PDE9A: variants seen among roughly 807,000 people sequenced by gnomAD.
PDE9A encodes phosphodiesterase 9A.
A neutral mutation model predicts 87.4 loss-of-function variants in PDE9A; 60 were observed. The ratio of observed to expected loss-of-function variants is 0.69; its 90% CI spans 0.56 to 0.85. PDE9A has a LOEUF of 0.85. Among genes scored for constraint, PDE9A ranks in the 40% least tolerant of loss-of-function variants. The pLI, the probability that PDE9A is intolerant of heterozygous loss-of-function variation, is 0.00. For synonymous variants in PDE9A, 272 were observed against 279.4 expected (o/e 0.97, Z 0.27); for missense variants, 665 against 779.0 (o/e 0.85, Z 1.74).
intron 7 of PDE9A, among the ~76,000 whole-genome samples, chr21:42,738,986 C>T (rs1040822837): frequency 3.3e-5 from 5 of 152,214 alleles, no homozygotes; most frequent in African/African-American, 1.2e-4. Context: ...CCACTGCGCC[C>T]GGCCTACAGT....
chr21:42,662,871 C>A (rs2057665427), intron 1 of PDE9A, among the ~76,000 whole-genome samples: 1 of 144,862 alleles, frequency 6.9e-6, no homozygotes, highest in Admixed American at 6.9e-5. Flanking sequence ...CACACGTACA[C>A]ACCACACACA....
At chr21:42,754,825 T>C (rs759548293) in intron 10 of PDE9A, among the ~76,000 whole-genome samples, 1 of 152,174 alleles carries the variant, frequency 6.6e-6, no homozygotes, top group South Asian at 2.1e-4. Context: ...CCATTCTCCA[T>C]GATTGTGAGG....
chr21:42,721,252 A>G (rs1384874113), intron 4 of PDE9A, among the ~76,000 whole-genome samples: 3 of 152,208 alleles, frequency 2.0e-5, no homozygotes, highest in African/African-American at 7.2e-5. Context: ...CAAAATGTGA[A>G]ATTCCCCTCT....
chr21:42,771,981 G>C (rs1052516768), intron 18 of PDE9A, among the ~76,000 whole-genome samples: 1 of 152,196 alleles, frequency 6.6e-6, no homozygotes, highest in South Asian at 2.1e-4. Context: ...AGCTGAAGGG[G>C]CTTCTGCCTC....
chr21:42,732,038 T>C (rs2051838863), intron 5 of PDE9A, 32 bp from the exon 6 acceptor site: 2 of 1,613,616 alleles, frequency 1.2e-6, no homozygotes, highest in African/African-American at 1.3e-5. Flanking sequence ...CTCTTGTCCG[T>C]GTTCCATCTG....
intron 4 of PDE9A, among the ~76,000 whole-genome samples, chr21:42,709,994 T>G (rs1410987054): frequency 4.6e-5 from 7 of 152,202 alleles, no homozygotes; most frequent in Non-Finnish European, 8.8e-5. Flanking sequence ...GCTACTAGAA[T>G]TATTGTACAA....
chr21:42,746,508 TC>T (rs2053864060), intron 8 of PDE9A, among the ~76,000 whole-genome samples: 1 of 151,918 alleles, frequency 6.6e-6, no homozygotes, highest in Non-Finnish European at 1.5e-5. Flanking sequence ...CTGTCCAAAT[TC>T]CCCCTTTTTG....
intron 9 of PDE9A, 129 bp from the exon 10 acceptor site, chr21:42,753,861 C>CA (rs57957426): frequency 0.036 from 15,542 of 429,498 alleles, 233 homozygotes; most frequent in African/African-American, 0.11. Context: ...GACTCTATCT[C>CA]AAAAAAAAAA....
chr21:42,759,184 C>T lies in PDE9A; in HGVS notation c.897+99C>T, dbSNP rs2055402347. The T allele has an allele frequency of 2.5e-6, 2 of 800,804 alleles. No homozygotes were observed. The highest frequency in any genetic ancestry group is 4.3e-6 in the Non-Finnish European group (2 of 466,712). 49.6% of individuals were successfully genotyped at this position (800,804 alleles called of 1,614,324 possible). A position where few individuals can be genotyped will look rare whatever the true frequency, so the allele number is the denominator to read the frequency against. ...GATCACCAGGGCACCTTCCGGATGGCACTGCGCTCCCTGTGAGCAGAGGTG... is the reference window on the plus strand; with the variant it reads ...GATCACCAGGGCACCTTCCGGATGGTACTGCGCTCCCTGTGAGCAGAGGTG... On this transcript the variant is annotated intron_variant, in intron 11 of 19. Coordinates refer to ENST00000291539, the MANE Select transcript of PDE9A (RefSeq NM_002606.3). This position sits in a 1 kb window ranked among gnomAD's most constrained non-coding sequence, Gnocchi z 7.2.
intron 18 of PDE9A, among the ~76,000 whole-genome samples, chr21:42,771,095 T>C (rs2056987371): frequency 6.6e-6 from 1 of 152,142 alleles, no homozygotes; most frequent in South Asian, 2.1e-4. Flanking sequence ...CACCCAGGTG[T>C]CTTTGGGTGT....
chr21:42,768,020 C>A (rs576299974), intron 15 of PDE9A, among the ~76,000 whole-genome samples, 168 bp from the exon 16 acceptor site: 1 of 152,334 alleles, frequency 6.6e-6, no homozygotes, highest in African/African-American at 2.4e-5. Flanking sequence ...AAGGTTCATT[C>A]TCCATTGAGA....
intron 1 of PDE9A, among the ~76,000 whole-genome samples, chr21:42,671,660 G>C (rs1336148637): frequency 6.6e-6 from 1 of 152,212 alleles, no homozygotes; most frequent in East Asian, 1.9e-4. Flanking sequence ...GATATAGATT[G>C]ATTGACAGAT....
intron 1 of PDE9A, among the ~76,000 whole-genome samples, chr21:42,657,090 G>C (rs1233588080): frequency 6.6e-6 from 1 of 152,262 alleles, no homozygotes; most frequent in Non-Finnish European, 1.5e-5. Context: ...CTGATGAACA[G>C]GTTTTTTTCC....
At chr21:42,726,449 T>C (rs2051042277) in intron 4 of PDE9A, among the ~76,000 whole-genome samples, 1 of 151,474 alleles carries the variant, frequency 6.6e-6, no homozygotes, top group African/African-American at 2.4e-5. Context: ...ATGTTTTACA[T>C]CTGTGGTCCA....
intron 1 of PDE9A, among the ~76,000 whole-genome samples, chr21:42,654,215 C>T (rs920213702): frequency 6.6e-6 from 1 of 152,164 alleles, no homozygotes; most frequent in African/African-American, 2.4e-5. Context: ...CGCCGGGCAG[C>T]CCCGGGGTCG....
intron 8 of PDE9A, among the ~76,000 whole-genome samples, chr21:42,744,764 G>A (rs1435666882): frequency 2.0e-5 from 3 of 152,236 alleles, no homozygotes; most frequent in Admixed American, 6.5e-5. Flanking sequence ...GTCAGGACAC[G>A]TGTGGATGAA....
chr21:42,753,257 C>T (rs73229598), intron 9 of PDE9A, among the ~76,000 whole-genome samples: 5,025 of 152,212 alleles, frequency 0.033, 116 homozygotes, highest in South Asian at 0.063. Context: ...CCGCTCGCCT[C>T]GGCTTCCCAA....
chr21:42,711,990 T>C (rs1002782304), intron 4 of PDE9A, among the ~76,000 whole-genome samples: 1 of 152,232 alleles, frequency 6.6e-6, no homozygotes, highest in African/African-American at 2.4e-5. Context: ...GTTCTCCATG[T>C]GTTCTTCCTC....
Position 42,695,968 on chromosome 21 carries a change from G to A in PDE9A, c.219-3000G>A, listed in dbSNP as rs2060119268. 6.6e-6 allele frequency among the ~76,000 whole-genome samples: 1 copy of A among 152,216 alleles called. No individual in the cohort carries two copies. On this transcript the variant is annotated intron_variant, in intron 3 of 19. Transcript: ENST00000291539. The surrounding 1 kb of genome is among the most constrained non-coding windows in gnomAD (Gnocchi z 4.3). ...TGCAACCCAAGGATCTTGGGCCCAA[G>A]GGCCAGGAAGGTTTCTGCAGCCTCC... is the stretch of plus-strand genomic sequence containing the variant.
Sources: allele counts gnomAD v4.1 joint callset (sites outside exome capture counted in the v4.1 genomes callset), GRCh38; gene constraint gnomAD v4.1.1; non-coding constraint Gnocchi (gnomAD v3.1); transcripts MANE v1.5; gene names NCBI Gene and HGNC (gene_info 2026-07-23, HGNC 2026-07-21).